TNS1: variants seen among roughly 807,000 people sequenced by gnomAD.
The protein encoded by TNS1 is tensin 1.
TNS1 carries 62 observed loss-of-function variants against 168.6 expected under a neutral mutation model. That is an observed-to-expected ratio of 0.37 (90% CI 0.30 to 0.45). The LOEUF (loss-of-function observed/expected upper bound fraction) is 0.45. Among genes scored for constraint, TNS1 ranks in the 20% least tolerant of loss-of-function variants. TNS1 has a pLI of 1.00. For missense variants in TNS1, 2,240 were observed against 2,339.4 expected, an observed-to-expected ratio of 0.96 and a Z score of 0.88; for synonymous variants, 934 against 933.2, an observed-to-expected ratio of 1.00 and a Z score of -0.02.
intron 3 of TNS1, among the ~76,000 whole-genome samples, chr2:217,931,206 A>G (rs1956304163): frequency 6.6e-6 from 1 of 152,202 alleles, no homozygotes; most frequent in Non-Finnish European, 1.5e-5. Flanking sequence ...GAAGAGGGCT[A>G]GGATTTCACT....
At chr2:217,969,097 C>T (rs116505822) in intron 3 of TNS1, among the ~76,000 whole-genome samples, 1,683 of 152,288 alleles carry the variant, frequency 0.011, 35 homozygotes, top group African/African-American at 0.038. Flanking sequence ...AATTGACAGG[C>T]TGATCCTAAA....
chr2:217,950,933 C>T (rs1957225716), intron 3 of TNS1, among the ~76,000 whole-genome samples: 2 of 152,002 alleles, frequency 1.3e-5, no homozygotes, highest in African/African-American at 2.4e-5. Flanking sequence ...GAGGGAAAAT[C>T]TCCCCGTTGC....
chr2:217,851,624 G>T (rs1947511641), intron 18 of TNS1, among the ~76,000 whole-genome samples: 1 of 152,148 alleles, frequency 6.6e-6, no homozygotes, highest in African/African-American at 2.4e-5. Context: ...CCAGGGCCCA[G>T]GGCTGGTCTG....
At chr2:218,026,201 G>C (rs1031359525) in intron 1 of TNS1, among the ~76,000 whole-genome samples, 3 of 152,170 alleles carry the variant, frequency 2.0e-5, no homozygotes, top group African/African-American at 4.8e-5. Context: ...AAGGCACAGA[G>C]AGGTTACATA....
chr2:217,857,838 CG>C (rs1948338509), intron 18 of TNS1, among the ~76,000 whole-genome samples: 1 of 152,152 alleles, frequency 6.6e-6, no homozygotes, highest in South Asian at 2.1e-4. Context: ...TCAGCCTATA[CG>C]GGCAGCAGAT....
At chr2:217,874,539 G>C (rs1236724369) in intron 18 of TNS1, among the ~76,000 whole-genome samples, 6 of 152,202 alleles carry the variant, frequency 3.9e-5, no homozygotes, top group Non-Finnish European at 8.8e-5. Flanking sequence ...ATAGCAAGTT[G>C]ATGTCAGAGG....
intron 29 of TNS1, 64 bp downstream of exon 29, chr2:217,810,184 G>T: frequency 6.4e-7 from 1 of 1,570,402 alleles, no homozygotes. Flanking sequence ...CGTGCAGGAG[G>T]GGTCAGGGCA....
intron 24 of TNS1, 56 bp downstream of exon 24, chr2:217,817,634 C>T: frequency 7.0e-7 from 1 of 1,428,026 alleles, no homozygotes; most frequent in Non-Finnish European, 9.5e-7. Context: ...AGATATTTCA[C>T]TCTTCTACTT....
intron 18 of TNS1, among the ~76,000 whole-genome samples, chr2:217,857,782 C>T (rs528879423): frequency 2.0e-5 from 3 of 152,308 alleles, no homozygotes; most frequent in South Asian, 2.1e-4. Context: ...CTGTGTTCCC[C>T]CCAGCCTGAA....
At chr2:218,004,147 G>C (rs576414299), upstream of TNS1, among the ~76,000 whole-genome samples, 1 of 152,298 alleles carries the variant, frequency 6.6e-6, no homozygotes, top group South Asian at 2.1e-4. Flanking sequence ...CCAGGAGAAG[G>C]AGGGAGGGCT....
chr2:217,941,358 C>T (rs578034945), intron 3 of TNS1, among the ~76,000 whole-genome samples: 21 of 152,348 alleles, frequency 1.4e-4, no homozygotes, highest in African/African-American at 4.3e-4. Flanking sequence ...CACACTGTCA[C>T]GCAGCCCACC....
In TNS1 at chr2:218,024,148, A is replaced by AC. The variant is rs542410142; in HGVS notation, c.156+9671dup. Among the ~76,000 whole-genome samples the AC allele has an allele frequency of 1.5e-3, 235 of 152,268 alleles. 8 individuals carry two copies. In the South Asian group the frequency reaches 0.044, roughly 28 times the overall value. The stretch of plus-strand genomic sequence containing the variant: ...AGTCACTAAGCAGTTTGCCCAGGGC[A>AC]CCCCACTAAGAGGTGGTAAGAAAGG... On this transcript the variant is annotated intron_variant, in intron 1 of 1. Transcript: ENST00000649572.
At chr2:217,894,839 T>C (rs952256091) in intron 9 of TNS1, among the ~76,000 whole-genome samples, 167 bp downstream of exon 9, 1 of 152,132 alleles carries the variant, frequency 6.6e-6, no homozygotes, top group Non-Finnish European at 1.5e-5. Flanking sequence ...TTTCTGTAAT[T>C]GGCATTGTGG....
chr2:217,888,055 C>T (rs1951380043), intron 12 of TNS1, among the ~76,000 whole-genome samples: 1 of 152,188 alleles, frequency 6.6e-6, no homozygotes, highest in Non-Finnish European at 1.5e-5. Flanking sequence ...GGCCTCTGTC[C>T]CTGGGTTTGG....
At chr2:218,004,373 C>A (rs548538361), upstream of TNS1, among the ~76,000 whole-genome samples, 25 of 152,290 alleles carry the variant, frequency 1.6e-4, no homozygotes, top group East Asian at 1.7e-3. Flanking sequence ...CTGCCTCCCC[C>A]CCCCACTCAC....
upstream of TNS1, among the ~76,000 whole-genome samples, chr2:218,011,739 C>T (rs1958708281): frequency 6.6e-6 from 1 of 152,126 alleles, no homozygotes; most frequent in Non-Finnish European, 1.5e-5. Flanking sequence ...CATTGCAGCT[C>T]CCCACCTCGA....
intron 3 of TNS1, among the ~76,000 whole-genome samples, chr2:217,946,546 T>A (rs1161630443): frequency 1.3e-5 from 2 of 152,232 alleles, no homozygotes; most frequent in Non-Finnish European, 1.5e-5. Flanking sequence ...GATACTCATA[T>A]GAAGACTTTT....
rs1937689101 is a variant in TNS1 at position 217,802,958 on chromosome 2, C to T, written c.*1501G>A. On this transcript the variant is annotated 3_prime_UTR_variant, in exon 33 of 33. Coordinates refer to ENST00000682258, the MANE Select transcript of TNS1 (RefSeq NM_001387777.1). The stretch of plus-strand genomic sequence containing the variant: ...TGGCTTAGAGTCCTTAAATGGTGGT[C>T]AGGTGTTTTCCCAACTGTCCAGTGG... 6.6e-6 allele frequency: 1 copy of T among 152,658 alleles called. No homozygotes were observed. Among genetic ancestry groups the T allele is most frequent in the African/African-American group, 2.4e-5 (1 of 41,458 alleles). The allele number at this position is 152,658 out of a possible 1,614,324, so 9.5% of individuals were successfully genotyped here. A position where few individuals can be genotyped will look rare whatever the true frequency, so the allele number is the denominator to read the frequency against.
chr2:218,027,847 T>A (rs1206951270), intron 1 of TNS1, among the ~76,000 whole-genome samples: 2 of 152,138 alleles, frequency 1.3e-5, no homozygotes, highest in Non-Finnish European at 2.9e-5. Flanking sequence ...ATAGCCAGCA[T>A]CCACCCAGAG....
Sources: allele counts gnomAD v4.1 joint callset (sites outside exome capture counted in the v4.1 genomes callset), GRCh38; gene constraint gnomAD v4.1.1; transcripts MANE v1.5; gene names NCBI Gene and HGNC (gene_info 2026-07-23, HGNC 2026-07-21).